CLCA4: variants seen among roughly 807,000 people sequenced by gnomAD.
CLCA4 encodes the protein calcium-activated chloride channel regulator 4.
In CLCA4, 69 loss-of-function variants were observed where a neutral mutation model predicts 78.9. The ratio of observed to expected loss-of-function variants is 0.87; its 90% CI spans 0.72 to 1.07. The LOEUF is 1.07. Ranked by LOEUF, CLCA4 falls within the 50% of genes least tolerant of loss-of-function variation. The probability of loss-of-function intolerance (pLI) is 0.00; values close to 1 mark genes in which losing one functional copy is unlikely to be tolerated. For missense variants in CLCA4, 1,133 were observed against 1,095.8 expected (o/e 1.03, Z -0.48); for synonymous variants, 362 against 375.8 (o/e 0.96, Z 0.42).
At position 86,560,122 on chromosome 1, in the gene CLCA4, AT is replaced by A. The variant is rs768806826; in HGVS notation, c.300+55del. The A allele has an allele frequency of 5.1e-6, 8 of 1,554,176 alleles. No individual in the cohort carries two copies. In the East Asian group the frequency reaches 1.6e-4, roughly 31 times the overall value. ...AAAATTATATTTTCTGATATTAACC[AT>A]TTTTGCCACAAATTATTTAAGAGTC... On this transcript the variant is annotated intron_variant, in intron 2 of 13. Coordinates refer to ENST00000370563, the MANE Select transcript of CLCA4 (RefSeq NM_012128.4).
chr1:86,556,449 G>A (rs1649847583), intron 1 of CLCA4, among the ~76,000 whole-genome samples: 1 of 152,220 alleles, frequency 6.6e-6, no homozygotes, highest in African/African-American at 2.4e-5. Flanking sequence ...TAATCATGTG[G>A]TTTTTGTCTT....
At position 86,580,317 on chromosome 1, in the gene CLCA4, T is replaced by C. The variant is rs1218609649; in HGVS notation, c.2732T>C (p.Val911Ala). The change falls in exon 14 of 14, where the codon GTT becomes GCT. Residue 911 changes from valine to alanine, a missense_variant. By Grantham distance (64) the Val-to-Ala change is moderately conservative (BLOSUM62 0). Transcript: ENST00000370563. ...VLSVIGSVVI[V>A]NFILSTTI The stretch of plus-strand genomic sequence containing the variant: ...TCTGTGATTGGGTCTGTTGTAATTG[T>C]TAACTTTATTTTAAGTACCACCATT... 1.3e-6 allele frequency: 2 copies of C among 1,595,392 alleles called. No individual in the cohort carries two copies. Among genetic ancestry groups the C allele is most frequent in the African/African-American group, 2.7e-5 (2 of 74,180 alleles).
At chr1:86,552,516 A>AGGGCAGCAAGGCT (rs1558179282) in intron 1 of CLCA4, 1 of 505,032 alleles carries the variant, frequency 2.0e-6, no homozygotes. Flanking sequence ...ATCAGCAGAC[A>AGGGCAGCAAGGCT]GGGCAGCAAG....
chr1:86,563,275 C>T (rs1033411616), intron 3 of CLCA4, among the ~76,000 whole-genome samples: 3 of 150,466 alleles, frequency 2.0e-5, no homozygotes, highest in South Asian at 2.1e-4. Context: ...TAATTAATGC[C>T]TATGTGTCTT....
intron 13 of CLCA4, 83 bp downstream of exon 13, chr1:86,579,670 G>T (rs1274172408): frequency 2.0e-6 from 2 of 994,682 alleles, no homozygotes; most frequent in African/African-American, 3.2e-5. Flanking sequence ...GGTGGGGGGA[G>T]AATGGTTTTA....
At chr1:86,556,137 G>A (rs535038513) in intron 1 of CLCA4, among the ~76,000 whole-genome samples, 1 of 152,156 alleles carries the variant, frequency 6.6e-6, no homozygotes, top group Non-Finnish European at 1.5e-5. Flanking sequence ...ATAGAATTAT[G>A]TCATAATCAA....
rs1251844931 is a variant in CLCA4 at position 86,560,325 on chromosome 1, C to A, written c.415C>A (p.Leu139Ile). 1 of 1,613,828 alleles carries A rather than the reference C, an allele frequency of 6.2e-7. No homozygotes were observed. Among genetic ancestry groups the A allele is most frequent in the Non-Finnish European group, 8.5e-7 (1 of 1,179,872 alleles). ...CATTCACTTCACCCCTGACCTTCTA[C>A]TTGGAAAAAAACAAAATGAATATGG... ...EYIHFTPDLL[L>I]GKKQNEYGPP... Residue 139 changes from leucine (L) to isoleucine (I), a missense_variant, in exon 3 of 14, where the codon CTT becomes ATT. Coordinates refer to ENST00000370563, the MANE Select transcript of CLCA4 (RefSeq NM_012128.4).
Position 86,560,281 on chromosome 1 carries a change from G to T in CLCA4, c.371G>T (p.Cys124Phe). ...DEPYTKQFTE[C>F]GEKGEYIHFT... ...CCATACACCAAGCAGTTCACAGAAT[G>T]TGGAGAGAAAGGCGAATACATTCAC... Residue 124 changes from cysteine to phenylalanine, a missense_variant, in exon 3 of 14, where the codon TGT becomes TTT. Cys to Phe is a radical substitution (Grantham distance 205). Coordinates refer to ENST00000370563, the MANE Select transcript of CLCA4 (RefSeq NM_012128.4). 1 of 1,614,046 alleles carries T rather than the reference G, an allele frequency of 6.2e-7. No homozygotes were observed. Among genetic ancestry groups the T allele is most frequent in the Non-Finnish European group, 8.5e-7 (1 of 1,179,922 alleles).
At position 86,565,327 on chromosome 1, in the gene CLCA4, G is replaced by A. The variant is rs761483149; in HGVS notation, c.611G>A (p.Ser204Asn). The A allele has an allele frequency of 7.5e-6, 12 of 1,609,182 alleles. No homozygotes were observed. The highest frequency in any genetic ancestry group is 2.2e-5 in the East Asian group (1 of 44,746). Reference sequence around the variant, plus strand: ...AGAGTTTATAAGTGTCAAGGAGGCAGCTGTCTTAGTAGAGCATGCAGAATT... The same window carrying A: ...AGAGTTTATAAGTGTCAAGGAGGCAACTGTCTTAGTAGAGCATGCAGAATT... ...RNRVYKCQGG[S>N]CLSRACRIDS... is the part of the protein sequence containing the mutation. Residue 204 changes from serine (S) to asparagine (N), a missense_variant, in exon 5 of 14, where the codon AGC (serine) becomes AAC (asparagine). Physicochemically the swap from Ser to Asn is conservative, Grantham distance 46 (BLOSUM62 1). Transcript: ENST00000370563.
intron 11 of CLCA4, among the ~76,000 whole-genome samples, chr1:86,576,544 A>G (rs191403663): frequency 9.2e-5 from 14 of 152,158 alleles, no homozygotes; most frequent in African/African-American, 1.7e-4. Context: ...TCTGTCACCA[A>G]TTAGAAAGGT....
chr1:86,559,905 C>T, intron 1 of CLCA4, 27 bp from the exon 2 acceptor site: 6 of 1,565,174 alleles, frequency 3.8e-6, no homozygotes, highest in Non-Finnish European at 5.2e-6. Flanking sequence ...CTTCACCATC[C>T]TCACATATTT....
intron 12 of CLCA4, 138 bp downstream of exon 12, chr1:86,578,210 T>C: frequency 3.7e-6 from 3 of 812,074 alleles, no homozygotes; most frequent in Non-Finnish European, 5.5e-6. Context: ...TCAGTCATAC[T>C]AGGATTTGCC....
At position 86,565,849 on chromosome 1, in the gene CLCA4, C is replaced by A; in HGVS notation, c.783C>A (p.Ser261Arg). The part of the protein sequence containing the change: ...NEKTHNQEAP[S>R]LQNIKCNFRS... Reference sequence around the variant, plus strand: ...AAACCCATAATCAAGAAGCTCCAAGCCTACAAAACATAAAGTGCAATTTTA... The same window carrying A: ...AAACCCATAATCAAGAAGCTCCAAGACTACAAAACATAAAGTGCAATTTTA... The change falls in exon 6 of 14, where the codon AGC becomes AGA. Residue 261 changes from serine (S) to arginine (R), a missense_variant. By Grantham distance (110) the Ser-to-Arg change is moderately radical (BLOSUM62 -1). Transcript: ENST00000370563. The A allele has an allele frequency of 6.3e-7, 1 of 1,594,374 alleles. No homozygotes were observed. Among genetic ancestry groups the A allele is most frequent in the Non-Finnish European group, 8.6e-7 (1 of 1,169,074 alleles).
intron 12 of CLCA4, 81 bp downstream of exon 12, chr1:86,578,153 T>G (rs1223057315): frequency 9.7e-6 from 12 of 1,236,986 alleles, no homozygotes; most frequent in Middle Eastern, 2.0e-4. Flanking sequence ...TCAAACAGGT[T>G]GATTAAAACT....
At chr1:86,573,445 A>G (rs144716544) in intron 9 of CLCA4, among the ~76,000 whole-genome samples, 177 of 152,016 alleles carry the variant, frequency 1.2e-3, no homozygotes, top group Non-Finnish European at 2.0e-3. Flanking sequence ...TTTCATTCCT[A>G]CATGTCTATG....
chr1:86,557,361 C>T (rs991301089), intron 1 of CLCA4, among the ~76,000 whole-genome samples: 1 of 152,004 alleles, frequency 6.6e-6, no homozygotes, highest in Non-Finnish European at 1.5e-5. Flanking sequence ...TATAAATTTC[C>T]CTCTTAAAAC....
At chr1:86,557,590 A>T (rs1392347330) in intron 1 of CLCA4, among the ~76,000 whole-genome samples, 3 of 152,098 alleles carry the variant, frequency 2.0e-5, no homozygotes, top group African/African-American at 7.2e-5. Flanking sequence ...GTTTAGTATG[A>T]TTTCAGTTCT....
Position 86,552,769 on chromosome 1 carries a change from T to A in CLCA4, c.159+5491T>A. 2.9e-6 allele frequency: 4 copies of A among 1,401,306 alleles called. No individual in the cohort carries two copies. The East Asian group carries it at 9.3e-5, about 32-fold the overall frequency. The allele number at this position is 1,401,306 out of a possible 1,614,324, so 86.8% of individuals were successfully genotyped here. ...CCCCATCATGCCTGTCAGTACTGTGTCCAGGTTGTAGTAGGGGCTGTCCAC... is the reference window on the plus strand; with the variant it reads ...CCCCATCATGCCTGTCAGTACTGTGACCAGGTTGTAGTAGGGGCTGTCCAC... On this transcript the variant is annotated intron_variant, in intron 1 of 13. Transcript: ENST00000370563.
At chr1:86,570,914 C>T (rs546352484) in intron 7 of CLCA4, among the ~76,000 whole-genome samples, 163 bp from the exon 8 acceptor site, 1 of 152,124 alleles carries the variant, frequency 6.6e-6, no homozygotes, top group African/African-American at 2.4e-5. Flanking sequence ...GTTTAACTTT[C>T]CCCAAGGATT....
Sources: gnomAD v4.1 joint callset for allele counts (sites outside exome capture counted in the v4.1 genomes callset) on GRCh38, gnomAD v4.1.1 for gene constraint, MANE v1.5 for transcripts, NCBI Gene and HGNC (gene_info 2026-07-23, HGNC 2026-07-21) for gene names.